MYRIP: variants seen among roughly 807,000 people sequenced by gnomAD.
MYRIP encodes rab effector MyRIP.
MYRIP carries 49 observed loss-of-function variants against 98.0 expected under a neutral mutation model. That is an observed-to-expected ratio of 0.50 (90% CI 0.40 to 0.63). The LOEUF (loss-of-function observed/expected upper bound fraction) is 0.63, where lower values mean the gene tolerates loss of function less well. Ranked by LOEUF, MYRIP falls within the 30% of genes least tolerant of loss-of-function variation. MYRIP has a pLI of 0.00. For missense variants in MYRIP, 1,004 were observed against 1,058.2 expected (o/e 0.95, Z 0.71); for synonymous variants, 404 against 409.5 (o/e 0.99, Z 0.16).
At chr3:40,131,242 G>A (rs537313359) in intron 3 of MYRIP, among the ~76,000 whole-genome samples, 47 of 152,128 alleles carry the variant, frequency 3.1e-4, no homozygotes, top group Non-Finnish European at 5.9e-4. Context: ...GCAAAGCTTG[G>A]TAGTGTTTTA....
chr3:39,959,530 G>A (rs1197301410), intron 2 of MYRIP, among the ~76,000 whole-genome samples: 5 of 152,032 alleles, frequency 3.3e-5, no homozygotes, highest in South Asian at 2.1e-4. Flanking sequence ...TCATGGGGTA[G>A]GGGGAGCAGG....
At chr3:40,197,562 T>C (rs750352587) in intron 10 of MYRIP, among the ~76,000 whole-genome samples, 4 of 152,180 alleles carry the variant, frequency 2.6e-5, no homozygotes, top group Non-Finnish European at 5.9e-5. Context: ...CAAATGCAGG[T>C]CTATGTCTGC....
chr3:39,923,104 A>G (rs1334821179), intron 2 of MYRIP, among the ~76,000 whole-genome samples: 1 of 152,218 alleles, frequency 6.6e-6, no homozygotes, highest in Non-Finnish European at 1.5e-5. Flanking sequence ...GAAGAAAAAA[A>G]TCAGTGAGCT....
chr3:39,830,575 A>AT (rs1559489064), intron 1 of MYRIP, among the ~76,000 whole-genome samples: 1 of 152,132 alleles, frequency 6.6e-6, no homozygotes, highest in African/African-American at 2.4e-5. Flanking sequence ...CTCACCTGCC[A>AT]TATCTGCTGC....
intron 3 of MYRIP, among the ~76,000 whole-genome samples, chr3:40,072,998 A>C (rs2125860796): frequency 6.6e-6 from 1 of 152,310 alleles, no homozygotes; most frequent in African/African-American, 2.4e-5. Context: ...GTATATTAAA[A>C]ATATTCATAT....
At position 39,900,808 on chromosome 3, in the gene MYRIP, TG is replaced by T; in HGVS notation, c.-8del. On this transcript the variant is annotated 5_prime_UTR_variant, in exon 2 of 17. An upstream open reading frame in the 5' UTR loses its in-frame stop. Coordinates refer to ENST00000302541, the MANE Select transcript of MYRIP (RefSeq NM_015460.4). ...CCAGGTCTTGTTTCATCATCTGTGT[TG>T]AGTAACCATGGGGAGGAAGCTGGAC... 1 of 1,609,406 alleles carries T rather than the reference TG, an allele frequency of 6.2e-7. No homozygotes were observed. The highest frequency in any genetic ancestry group is 8.5e-7 in the Non-Finnish European group (1 of 1,176,368).
intron 2 of MYRIP, among the ~76,000 whole-genome samples, chr3:39,986,869 C>G (rs1334736412): frequency 6.6e-6 from 1 of 152,158 alleles, no homozygotes; most frequent in East Asian, 1.9e-4. Flanking sequence ...AAGCAGACTG[C>G]AGCTGAGGCC....
intron 2 of MYRIP, among the ~76,000 whole-genome samples, chr3:40,042,589 TAA>T (rs34613404): frequency 2.2e-5 from 3 of 134,754 alleles, no homozygotes; most frequent in African/African-American, 7.4e-5. Context: ...GTAATAGTAG[TAA>T]AGAGTAGTAA....
At position 40,115,392 on chromosome 3, in the gene MYRIP, G is replaced by T. The variant is rs368691262; in HGVS notation, c.333-35656G>T. Among the ~76,000 whole-genome samples the T allele has an allele frequency of 2.1e-4, 32 of 152,286 alleles. No individual in the cohort carries two copies. In the East Asian group the frequency reaches 5.2e-3, roughly 25 times the overall value. On this transcript the variant is annotated intron_variant, in intron 3 of 16. Coordinates refer to ENST00000302541, the MANE Select transcript of MYRIP (RefSeq NM_015460.4). ...CCTCAGGAAACTTAAAATCATGGTGGAAGGCACCTTTCACAGGGTGGCAGG... is the reference window on the plus strand; with the variant it reads ...CCTCAGGAAACTTAAAATCATGGTGTAAGGCACCTTTCACAGGGTGGCAGG...
At chr3:40,120,537 G>A (rs1267402917) in intron 3 of MYRIP, among the ~76,000 whole-genome samples, 3 of 152,218 alleles carry the variant, frequency 2.0e-5, no homozygotes, top group Non-Finnish European at 4.4e-5. Context: ...GCTGGAGGAA[G>A]CTGGGATCAC....
intron 1 of MYRIP, among the ~76,000 whole-genome samples, chr3:39,813,308 A>T (rs1940764555): frequency 6.6e-6 from 1 of 152,204 alleles, no homozygotes; most frequent in East Asian, 1.9e-4. Context: ...GATATGGAGA[A>T]GGCTAAGTGG....
At chr3:39,998,474 A>C (rs1359538381) in intron 2 of MYRIP, among the ~76,000 whole-genome samples, 1 of 152,230 alleles carries the variant, frequency 6.6e-6, no homozygotes, top group East Asian at 1.9e-4. Context: ...CTAACAACGG[A>C]CGTGAAGGAC....
chr3:40,079,426 A>G (rs1026129308), intron 3 of MYRIP, among the ~76,000 whole-genome samples: 6 of 152,224 alleles, frequency 3.9e-5, no homozygotes, highest in Non-Finnish European at 7.3e-5. Flanking sequence ...CAGCTTCATC[A>G]GGGACAGTTG....
chr3:40,063,037 C>A (rs768152377), intron 3 of MYRIP, among the ~76,000 whole-genome samples: 1 of 152,164 alleles, frequency 6.6e-6, no homozygotes, highest in Admixed American at 6.5e-5. Context: ...TGGTGTGAAG[C>A]TTATGTACCA....
intron 3 of MYRIP, among the ~76,000 whole-genome samples, chr3:40,117,739 G>A (rs1271177026): frequency 1.3e-5 from 2 of 151,966 alleles, no homozygotes; most frequent in African/African-American, 4.8e-5. Context: ...AGCTCCATCT[G>A]GAAAAAATAA....
chr3:39,840,961 G>C (rs1191508660), intron 1 of MYRIP, among the ~76,000 whole-genome samples: 1 of 152,162 alleles, frequency 6.6e-6, no homozygotes, highest in Non-Finnish European at 1.5e-5. Flanking sequence ...TTCTCAAGGA[G>C]TATCTTTGTG....
chr3:40,043,966 C>T, intron 2 of MYRIP, 84 bp from the exon 3 acceptor site: 1 of 1,305,444 alleles, frequency 7.7e-7, no homozygotes, highest in Non-Finnish European at 1.1e-6. Context: ...AAGGGAGGGA[C>T]AGGGTGCATG....
intron 3 of MYRIP, among the ~76,000 whole-genome samples, chr3:40,133,076 G>A (rs1575563479): frequency 1.3e-5 from 2 of 152,262 alleles, no homozygotes; most frequent in African/African-American, 2.4e-5. Flanking sequence ...CAGTGCTGAG[G>A]AGAACACAGA....
intron 10 of MYRIP, among the ~76,000 whole-genome samples, chr3:40,203,933 A>ATATT (rs1491283220): frequency 4.5e-3 from 1 of 224 alleles, no homozygotes; most frequent in African/African-American, 6.0e-3. Context: ...AATATAATAT[A>ATATT]ATATATATTA....
Sources: allele counts gnomAD v4.1 joint callset (sites outside exome capture counted in the v4.1 genomes callset), GRCh38; gene constraint gnomAD v4.1.1; transcripts MANE v1.5; gene names NCBI Gene and HGNC (gene_info 2026-07-23, HGNC 2026-07-21).